The following RASSF8 variants were observed in gnomAD, a reference collection of about 807,000 sequenced individuals.
The protein encoded by RASSF8 is ras association domain-containing protein 8.
A neutral mutation model predicts 48.5 loss-of-function variants in RASSF8; 22 were observed. The observed-to-expected ratio is 0.45, with a 90% CI of 0.32 to 0.65. The LOEUF (loss-of-function observed/expected upper bound fraction) is 0.65, where lower values mean the gene tolerates loss of function less well. Among genes scored for constraint, RASSF8 ranks in the 30% least tolerant of loss-of-function variants. The pLI is 0.03. For missense variants in RASSF8, 418 were observed against 489.2 expected, an observed-to-expected ratio of 0.85 and a Z score of 1.37; for synonymous variants, 127 against 171.5, an observed-to-expected ratio of 0.74 and a Z score of 2.03.
chr12:26,078,320 A>T (rs1379199694), intron 5 of RASSF8, among the ~76,000 whole-genome samples: 1 of 152,240 alleles, frequency 6.6e-6, no homozygotes, highest in African/African-American at 2.4e-5. Context: ...TGGCTTGAGA[A>T]GTCCTCTCTT....
At chr12:25,964,405 T>C (rs1165419129) in intron 1 of RASSF8, among the ~76,000 whole-genome samples, 1 of 152,180 alleles carries the variant, frequency 6.6e-6, no homozygotes, top group African/African-American at 2.4e-5. Flanking sequence ...AGCATATGTT[T>C]TACTCTTTGT....
At chr12:26,037,292 G>A (rs186550576) in intron 2 of RASSF8, among the ~76,000 whole-genome samples, 1 of 152,176 alleles carries the variant, frequency 6.6e-6, no homozygotes, top group Non-Finnish European at 1.5e-5. Context: ...CAATATCAGT[G>A]ATAAGATACT....
chr12:25,983,251 T>A lies in RASSF8; in HGVS notation c.-202-11786T>A, dbSNP rs201007753. On this transcript the variant is annotated intron_variant, in intron 1 of 5. Coordinates refer to ENST00000689635, the MANE Select transcript of RASSF8 (RefSeq NM_001394098.1). ...GTGAATATAAAAATGACAAAAAAAATCTGAAACTAAATAGTTCTTTGAGAA... is the reference window on the plus strand; with the variant it reads ...GTGAATATAAAAATGACAAAAAAAAACTGAAACTAAATAGTTCTTTGAGAA... Among the ~76,000 whole-genome samples the A allele has an allele frequency of 1.6e-4, 3 of 19,320 alleles. No homozygotes were observed. The East Asian group carries it at 0.037, about 241-fold the overall frequency. The allele number at this position is 19,320 out of a possible 152,430, so 12.7% of individuals were successfully genotyped here. A position where few individuals can be genotyped will look rare whatever the true frequency, so the allele number is the denominator to read the frequency against.
At chr12:25,993,567 A>G (rs772847121) in intron 1 of RASSF8, among the ~76,000 whole-genome samples, 3 of 152,186 alleles carry the variant, frequency 2.0e-5, no homozygotes, top group Admixed American at 6.5e-5. Context: ...TTGTTAGTCT[A>G]TTTAGCCTCT....
At chr12:25,973,160 C>G (rs768244465) in intron 1 of RASSF8, among the ~76,000 whole-genome samples, 10 of 151,966 alleles carry the variant, frequency 6.6e-5, no homozygotes, top group Non-Finnish European at 1.5e-4. Flanking sequence ...CCTCCTCAGT[C>G]TCCCCAGAAT....
chr12:26,031,474 C>T (rs2137110509), intron 2 of RASSF8, among the ~76,000 whole-genome samples: 1 of 152,310 alleles, frequency 6.6e-6, no homozygotes, highest in Non-Finnish European at 1.5e-5. Context: ...GCTTCTGCCA[C>T]AGGCCCAGTA....
chr12:26,020,752 A>G (rs78068215), intron 2 of RASSF8, among the ~76,000 whole-genome samples: 2,877 of 152,292 alleles, frequency 0.019, 50 homozygotes, highest in Middle Eastern at 0.034. Context: ...ATCTATTTCT[A>G]GGGAAAAAAG....
chr12:26,072,783 A>G lies in RASSF8; in HGVS notation c.*3965A>G. 1 of 923,040 alleles carries G rather than the reference A, an allele frequency of 1.1e-6. No homozygotes were observed. 57.2% of individuals were successfully genotyped at this position (923,040 alleles called of 1,614,324 possible). ...TTTCTTTGACTTTCATTTTAAATGT[A>G]TATTTTCTGATCATTATGAGCTGTA... On this transcript the variant is annotated 3_prime_UTR_variant, in exon 6 of 6. Coordinates refer to ENST00000689635, the MANE Select transcript of RASSF8 (RefSeq NM_001394098.1).
At chr12:26,012,269 A>T (rs1439185217) in intron 2 of RASSF8, among the ~76,000 whole-genome samples, 3 of 152,238 alleles carry the variant, frequency 2.0e-5, no homozygotes, top group African/African-American at 4.8e-5. Context: ...GACACATTCA[A>T]AGCACTTAGA....
chr12:26,068,232 G>A (rs1220610046), intron 5 of RASSF8, among the ~76,000 whole-genome samples: 6 of 152,062 alleles, frequency 3.9e-5, no homozygotes, highest in Non-Finnish European at 8.8e-5. Flanking sequence ...TTACTTAGGT[G>A]AGCATGTAAT....
In RASSF8 at chr12:25,976,062, T is replaced by C. The variant is rs1468609772; in HGVS notation, c.-203+16914T>C. Among the ~76,000 whole-genome samples the C allele has an allele frequency of 2.6e-5, 4 of 152,094 alleles. No homozygotes were observed. In the East Asian group the frequency reaches 7.7e-4, roughly 29 times the overall value. ...AAGCCAGTAGGCTTTTATGAACAGG[T>C]CTCCTGGTCTCCTCTCCTCACCCAG... On this transcript the variant is annotated intron_variant, in intron 1 of 5. Coordinates refer to ENST00000689635, the MANE Select transcript of RASSF8 (RefSeq NM_001394098.1).
chr12:25,976,710 A>T (rs1356795101), intron 1 of RASSF8, among the ~76,000 whole-genome samples: 1 of 152,112 alleles, frequency 6.6e-6, no homozygotes, highest in Admixed American at 6.5e-5. Flanking sequence ...TTTGTGCTTT[A>T]TTCTTTCTTT....
At chr12:26,067,062 A>G (rs1943891104) in intron 4 of RASSF8, among the ~76,000 whole-genome samples, 1 of 152,234 alleles carries the variant, frequency 6.6e-6, no homozygotes, top group Admixed American at 6.5e-5. Flanking sequence ...GCTTACAAAA[A>G]CAAGAACTCT....
chr12:25,959,558 T>G (rs1941179168), intron 1 of RASSF8: 1 of 152,224 alleles, frequency 6.6e-6, no homozygotes, highest in Non-Finnish European at 1.5e-5. Context: ...GCTTTTCTCC[T>G]CTAAAAAAAT....
chr12:26,002,136 A>G (rs1942274621), intron 2 of RASSF8, among the ~76,000 whole-genome samples: 1 of 152,256 alleles, frequency 6.6e-6, no homozygotes, highest in Non-Finnish European at 1.5e-5. Flanking sequence ...ATTACAATAT[A>G]TAACAAATAG....
rs143270812 is a variant in RASSF8 at position 25,998,391 on chromosome 12, C to T, written c.-109+3261C>T. On this transcript the variant is annotated intron_variant, in intron 2 of 5. Coordinates refer to ENST00000689635, the MANE Select transcript of RASSF8 (RefSeq NM_001394098.1). ...TGAGATGGAGTTTCACTCTTGTTGC[C>T]CAGGCTGGAGTGCAATGGCGTGATC... Among the ~76,000 whole-genome samples the T allele has an allele frequency of 8.7e-3, 1,315 of 150,526 alleles. 23 individuals are homozygous for T. Among genetic ancestry groups the T allele is most frequent in the African/African-American group, 0.03 (1,242 of 40,878 alleles).
At chr12:26,041,082 C>T (rs570625691) in intron 2 of RASSF8, among the ~76,000 whole-genome samples, 32 of 151,460 alleles carry the variant, frequency 2.1e-4, no homozygotes, top group East Asian at 7.8e-4. Flanking sequence ...TTAGTAGAGA[C>T]GGGGTTTCAC....
At chr12:26,023,706 T>C (rs1386023636) in intron 2 of RASSF8, among the ~76,000 whole-genome samples, 2 of 146,638 alleles carry the variant, frequency 1.4e-5, no homozygotes, top group Admixed American at 6.7e-5. Flanking sequence ...AGGTAATTAG[T>C]TAATTACAAA....
intron 1 of RASSF8, among the ~76,000 whole-genome samples, chr12:25,971,457 A>T (rs1349940447): frequency 6.6e-6 from 1 of 152,152 alleles, no homozygotes; most frequent in Non-Finnish European, 1.5e-5. Flanking sequence ...ATCCTGTTGC[A>T]TATTCAGAAT....
Sources: gnomAD v4.1 joint callset for allele counts (sites outside exome capture counted in the v4.1 genomes callset) on GRCh38, gnomAD v4.1.1 for gene constraint, MANE v1.5 for transcripts, NCBI Gene and HGNC (gene_info 2026-07-23, HGNC 2026-07-21) for gene names.